RBFOX1: variants seen among roughly 807,000 people sequenced by gnomAD.
The protein encoded by RBFOX1 is RNA binding fox-1 homolog 1.
A neutral mutation model predicts 57.7 loss-of-function variants in RBFOX1; 8 were observed. The observed-to-expected ratio is 0.14, with a 90% CI of 0.08 to 0.25. The LOEUF is 0.25. Ranked by LOEUF, RBFOX1 falls within the 10% of genes least tolerant of loss-of-function variation. RBFOX1 has a pLI of 1.00. For synonymous variants in RBFOX1, 326 were observed against 222.4 expected (o/e 1.47, Z -4.15); for missense variants, 611 against 548.5 (o/e 1.11, Z -1.14).
chr16:7,357,803 C>T (rs1041830265), intron 4 of RBFOX1, among the ~76,000 whole-genome samples: 1 of 152,212 alleles, frequency 6.6e-6, no homozygotes. Flanking sequence ...TTCAGCATTG[C>T]TCCTTCTCCC....
intron 3 of RBFOX1, among the ~76,000 whole-genome samples, chr16:6,777,591 G>A (rs1291670200): frequency 6.6e-6 from 1 of 152,134 alleles, no homozygotes; most frequent in African/African-American, 2.4e-5. Flanking sequence ...AGGGGGGAAA[G>A]AAAGAGAACA....
intron 3 of RBFOX1, among the ~76,000 whole-genome samples, chr16:5,777,566 A>C (rs773880635): frequency 2.0e-5 from 3 of 152,126 alleles, no homozygotes; most frequent in Non-Finnish European, 4.4e-5. Flanking sequence ...ATTGTCACTT[A>C]CTCCTTGTAT....
intron 1 of RBFOX1, among the ~76,000 whole-genome samples, chr16:6,108,162 G>A (rs991663664): frequency 6.6e-6 from 1 of 152,050 alleles, no homozygotes; most frequent in East Asian, 1.9e-4. Flanking sequence ...TTTAATATTG[G>A]TGATACCTAA....
chr16:6,027,706 A>C (rs1202031514), intron 1 of RBFOX1, among the ~76,000 whole-genome samples: 1 of 152,198 alleles, frequency 6.6e-6, no homozygotes, highest in African/African-American at 2.4e-5. Context: ...TAATAATGAT[A>C]TCATTATTAA....
intron 2 of RBFOX1, among the ~76,000 whole-genome samples, chr16:6,351,364 A>ATT (rs1321996574): frequency 9.3e-5 from 9 of 96,692 alleles, no homozygotes; most frequent in African/African-American, 4.3e-4. Flanking sequence ...ATATATATAT[A>ATT]TATATATATT....
chr16:5,748,383 T>C (rs2053066190), intron 3 of RBFOX1, among the ~76,000 whole-genome samples: 1 of 152,218 alleles, frequency 6.6e-6, no homozygotes, highest in Non-Finnish European at 1.5e-5. Context: ...TGTAGATGTC[T>C]ATTAGGTCTG....
intron 3 of RBFOX1, among the ~76,000 whole-genome samples, chr16:6,841,091 CT>C (rs199826577): frequency 8.0e-5 from 12 of 150,690 alleles, no homozygotes; most frequent in Admixed American, 2.0e-4. Context: ...TTTTTAGCAC[CT>C]TTTTTTTTCA....
At chr16:5,429,415 T>C (rs1297876114) in intron 1 of RBFOX1, among the ~76,000 whole-genome samples, 2 of 152,180 alleles carry the variant, frequency 1.3e-5, no homozygotes, top group Admixed American at 6.5e-5. Flanking sequence ...AGTGAGTTTC[T>C]GATTGACTTG....
chr16:6,902,122 C>T (rs1482191316), intron 3 of RBFOX1, among the ~76,000 whole-genome samples: 2 of 152,066 alleles, frequency 1.3e-5, no homozygotes, highest in Non-Finnish European at 1.5e-5. Context: ...TACTTGAAAC[C>T]AGGAGTGCTG....
Position 6,241,998 on chromosome 16 carries a change from C to T in RBFOX1, c.-126-74997C>T, listed in dbSNP as rs906873127. ...ATGTTGTGAAACAGAAAAGAACATT[C>T]ATATTTTGCATGTAGTTAAAAAAAT... On this transcript the variant is annotated intron_variant, in intron 1 of 15. Transcript: ENST00000550418. 8.5e-5 allele frequency among the ~76,000 whole-genome samples: 13 copies of T among 152,096 alleles called. No individual in the cohort carries two copies. In the East Asian group the frequency reaches 2.5e-3, roughly 29 times the overall value.
At chr16:7,028,263 A>G (rs982911139) in intron 3 of RBFOX1, among the ~76,000 whole-genome samples, 2 of 152,182 alleles carry the variant, frequency 1.3e-5, no homozygotes, top group South Asian at 2.1e-4. Context: ...CGTGTAAGCC[A>G]TTTTCTAATC....
intron 1 of RBFOX1, among the ~76,000 whole-genome samples, chr16:6,308,284 G>T (rs1331300575): frequency 6.6e-6 from 1 of 152,142 alleles, no homozygotes; most frequent in Non-Finnish European, 1.5e-5. Context: ...TTTGGATTGT[G>T]ATTATTATTT....
At chr16:5,365,343 A>C (rs1415939014) in intron 1 of RBFOX1, among the ~76,000 whole-genome samples, 1 of 152,144 alleles carries the variant, frequency 6.6e-6, no homozygotes, top group African/African-American at 2.4e-5. Context: ...ACATCACCCA[A>C]CACATAAAGT....
At chr16:5,531,104 G>A (rs1050441997) in intron 2 of RBFOX1, among the ~76,000 whole-genome samples, 21 of 151,884 alleles carry the variant, frequency 1.4e-4, no homozygotes, top group African/African-American at 5.1e-4. Flanking sequence ...CAGCCTGGGT[G>A]AGAAGAGCAA....
intron 3 of RBFOX1, among the ~76,000 whole-genome samples, chr16:6,804,701 C>G (rs758180123): frequency 2.0e-5 from 3 of 152,150 alleles, no homozygotes; most frequent in South Asian, 4.2e-4. Context: ...TGACCTCACA[C>G]ATGACTGGGG....
intron 4 of RBFOX1, among the ~76,000 whole-genome samples, chr16:7,162,826 T>C (rs1018762787): frequency 6.6e-6 from 1 of 152,180 alleles, no homozygotes; most frequent in Non-Finnish European, 1.5e-5. Flanking sequence ...TCCTCATCTT[T>C]TGTTGTTAAA....
At chr16:7,659,277 A>C (rs1168206120) in intron 12 of RBFOX1, among the ~76,000 whole-genome samples, 2 of 152,204 alleles carry the variant, frequency 1.3e-5, no homozygotes, top group Non-Finnish European at 2.9e-5. Context: ...GATCCTTTGG[A>C]AATGTTTTCA....
chr16:7,556,852 A>G (rs915446221), intron 5 of RBFOX1, among the ~76,000 whole-genome samples: 19 of 152,162 alleles, frequency 1.2e-4, no homozygotes, highest in African/African-American at 4.1e-4. Context: ...ATCAGATATA[A>G]AGGTTGTTAT....
At chr16:6,053,907 A>G (rs2095582965) in intron 1 of RBFOX1, among the ~76,000 whole-genome samples, 1 of 151,938 alleles carries the variant, frequency 6.6e-6, no homozygotes, top group Non-Finnish European at 1.5e-5. Flanking sequence ...AAAGTGCACA[A>G]AAATTAAGCA....
Sources: gnomAD v4.1 joint callset for allele counts (sites outside exome capture counted in the v4.1 genomes callset) on GRCh38, gnomAD v4.1.1 for gene constraint, MANE v1.5 for transcripts, NCBI Gene and HGNC (gene_info 2026-07-23, HGNC 2026-07-21) for gene names.